The following ZEB1 variants were observed in gnomAD, a reference collection of about 807,000 sequenced individuals.
ZEB1 encodes the protein zinc finger E-box binding homeobox 1, also known as zinc finger E-box-binding homeobox 1.
Under a neutral mutation model 84.9 loss-of-function variants are expected in ZEB1, and 21 were observed. That is an observed-to-expected ratio of 0.25 (90% CI 0.18 to 0.36). The LOEUF is 0.36. Ranked by LOEUF, ZEB1 falls within the 10% of genes least tolerant of loss-of-function variation. ZEB1 has a pLI of 1.00. For missense variants in ZEB1, 1,104 were observed against 1,330.2 expected, an observed-to-expected ratio of 0.83 and a Z score of 2.65; for synonymous variants, 420 against 471.1, an observed-to-expected ratio of 0.89 and a Z score of 1.41.
chr10:31,421,935 C>T (rs1033076442), intron 1 of ZEB1, among the ~76,000 whole-genome samples: 7 of 151,998 alleles, frequency 4.6e-5, no homozygotes, highest in South Asian at 2.1e-4. Flanking sequence ...GTATTCCCCC[C>T]CTCCCCGCTG....
chr10:31,501,710 A>G (rs2068159984), intron 3 of ZEB1, among the ~76,000 whole-genome samples: 1 of 152,056 alleles, frequency 6.6e-6, no homozygotes, highest in Non-Finnish European at 1.5e-5. Context: ...ACTGTTTCCT[A>G]TACATACATA....
At chr10:31,416,612 TA>T (rs1362097785) in intron 1 of ZEB1, among the ~76,000 whole-genome samples, 1 of 152,124 alleles carries the variant, frequency 6.6e-6, no homozygotes, top group Non-Finnish European at 1.5e-5. Flanking sequence ...AAGCAAAATT[TA>T]AAATATGCCA....
chr10:31,414,040 G>T (rs986601203), intron 1 of ZEB1, among the ~76,000 whole-genome samples: 16 of 152,072 alleles, frequency 1.1e-4, no homozygotes, highest in African/African-American at 3.9e-4. Context: ...AGCAAATTCG[G>T]AATCATTTTT....
chr10:31,387,091 A>T (rs1192278703), intron 1 of ZEB1: 1 of 985,792 alleles, frequency 1.0e-6, no homozygotes, highest in Non-Finnish European at 1.2e-6. Context: ...GTTTGATCCC[A>T]GTATAATCTT....
At chr10:31,364,908 T>A (rs2044170752) in intron 1 of ZEB1, among the ~76,000 whole-genome samples, 1 of 152,200 alleles carries the variant, frequency 6.6e-6, no homozygotes, top group South Asian at 2.1e-4. Context: ...AGGTCTTCAC[T>A]TCAACATACG....
At chr10:31,445,352 T>G (rs28804789) in intron 1 of ZEB1, among the ~76,000 whole-genome samples, 1 of 148,474 alleles carries the variant, frequency 6.7e-6, no homozygotes, top group African/African-American at 2.6e-5. Context: ...ACAATCATGT[T>G]GTCTGCAAAC....
rs144621603 is a variant in ZEB1 at position 31,337,047 on chromosome 10, AAAAT to A, written c.58+17762_58+17765del. Among the ~76,000 whole-genome samples, 1,444 of 152,326 alleles carry A rather than the reference AAAAT, an allele frequency of 9.5e-3. 25 individuals are homozygous for A. Among genetic ancestry groups the A allele is most frequent in the African/African-American group, 0.033 (1,370 of 41,572 alleles). Reference sequence around the variant, plus strand: ...GTACTGATCACAATAACAAAACAAAAAAATAAATAATAGGATAAGTAAATTGTAG... The same window carrying A: ...GTACTGATCACAATAACAAAACAAAAAAATAATAGGATAAGTAAATTGTAG... On this transcript the variant is annotated intron_variant, in intron 1 of 8. Transcript: ENST00000424869.
At chr10:31,331,855 T>G (rs2036869897) in intron 1 of ZEB1, among the ~76,000 whole-genome samples, 1 of 152,164 alleles carries the variant, frequency 6.6e-6, no homozygotes, top group Non-Finnish European at 1.5e-5. Flanking sequence ...GAGAATTGGA[T>G]AGTAAGCAAA....
At chr10:31,480,864 A>G (rs762657478) in intron 2 of ZEB1, among the ~76,000 whole-genome samples, 8 of 152,054 alleles carry the variant, frequency 5.3e-5, no homozygotes, top group Non-Finnish European at 1.0e-4. Flanking sequence ...TCCATACCTC[A>G]TTCATAATAG....
chr10:31,475,808 G>T (rs1486574617), intron 2 of ZEB1, among the ~76,000 whole-genome samples: 2 of 151,928 alleles, frequency 1.3e-5, no homozygotes, highest in East Asian at 3.9e-4. Flanking sequence ...GGCAATGAAA[G>T]GATAATACTC....
chr10:31,338,007 G>C (rs1392065989), intron 1 of ZEB1, among the ~76,000 whole-genome samples: 2 of 151,850 alleles, frequency 1.3e-5, no homozygotes, highest in Non-Finnish European at 2.9e-5. Flanking sequence ...TCTAACCCTG[G>C]TTGTGTGATA....
At chr10:31,345,795 A>G (rs2040201073) in intron 1 of ZEB1, among the ~76,000 whole-genome samples, 1 of 152,152 alleles carries the variant, frequency 6.6e-6, no homozygotes, top group Non-Finnish European at 1.5e-5. Context: ...AGCCTAGAAA[A>G]CTTTTCTGTG....
intron 2 of ZEB1, among the ~76,000 whole-genome samples, chr10:31,482,610 G>A (rs1399470178): frequency 6.6e-6 from 1 of 151,884 alleles, no homozygotes; most frequent in African/African-American, 2.4e-5. Flanking sequence ...CTCTTTAGGG[G>A]ATACTGGTTA....
In ZEB1 at chr10:31,348,359, T is replaced by A. The variant is rs185815115; in HGVS notation, c.58+29067T>A. 1.1e-3 allele frequency among the ~76,000 whole-genome samples: 160 copies of A among 151,538 alleles called. 1 individual carries two copies. Among genetic ancestry groups the A allele is most frequent in the African/African-American group, 3.8e-3 (155 of 41,276 alleles). ...TGGGTGGATCACTTGAGGTCAGGAG[T>A]CTGAGACCAGCCTTGCCAACATAGC... On this transcript the variant is annotated intron_variant, in intron 1 of 8. Coordinates refer to ENST00000424869, the MANE Select transcript of ZEB1 (RefSeq NM_001174096.2).
chr10:31,441,727 T>C (rs2059018848), intron 1 of ZEB1, among the ~76,000 whole-genome samples: 1 of 151,886 alleles, frequency 6.6e-6, no homozygotes, highest in Non-Finnish European at 1.5e-5. Flanking sequence ...AACAACCCCA[T>C]CAAAAAGTAG....
At chr10:31,431,571 A>T (rs945084133) in intron 1 of ZEB1, among the ~76,000 whole-genome samples, 1 of 152,192 alleles carries the variant, frequency 6.6e-6, no homozygotes, top group Non-Finnish European at 1.5e-5. Context: ...TCCGCATCCT[A>T]CTTTTAGTGG....
At chr10:31,387,183 G>T in intron 1 of ZEB1, 5 of 985,824 alleles carry the variant, frequency 5.1e-6, no homozygotes, top group Non-Finnish European at 6.0e-6. Flanking sequence ...CACCAAGAAA[G>T]ATCTGCAGAT....
chr10:31,319,386 G>A, intron 1 of ZEB1, 94 bp downstream of exon 1: 1 of 1,257,890 alleles, frequency 7.9e-7, no homozygotes, highest in Non-Finnish European at 1.1e-6. Flanking sequence ...CGGGCTGGGG[G>A]CAGCCGGGGC....
intron 1 of ZEB1, among the ~76,000 whole-genome samples, chr10:31,441,609 A>G (rs1329553717): frequency 6.6e-6 from 1 of 152,198 alleles, no homozygotes; most frequent in African/African-American, 2.4e-5. Flanking sequence ...CTACCATCAG[A>G]GTGAACAGGC....
Sources: allele counts gnomAD v4.1 joint callset (sites outside exome capture counted in the v4.1 genomes callset), GRCh38; gene constraint gnomAD v4.1.1; transcripts MANE v1.5; gene names NCBI Gene and HGNC (gene_info 2026-07-23, HGNC 2026-07-21).